GNAL: variants seen among roughly 807,000 people sequenced by gnomAD.
GNAL encodes G protein subunit alpha L.
In GNAL, 18 loss-of-function variants were observed where a neutral mutation model predicts 55.1. That is an observed-to-expected ratio of 0.33 (90% confidence interval 0.23 to 0.48). GNAL has a LOEUF of 0.48. Among genes scored for constraint, GNAL ranks in the 20% least tolerant of loss-of-function variants. GNAL has a pLI of 0.99. For missense variants in GNAL, 412 were observed against 614.1 expected (o/e 0.67, Z 3.48); for synonymous variants, 253 against 237.0 (o/e 1.07, Z -0.62).
chr18:11,730,768 A>G (rs1268191493), intron 1 of GNAL, among the ~76,000 whole-genome samples: 1 of 152,082 alleles, frequency 6.6e-6, no homozygotes, highest in African/African-American at 2.4e-5. Flanking sequence ...CATCTCAAAA[A>G]GGAAAAAAAA....
chr18:11,734,431 G>A (rs756948582), intron 1 of GNAL, among the ~76,000 whole-genome samples: 2 of 151,960 alleles, frequency 1.3e-5, no homozygotes, highest in Non-Finnish European at 1.5e-5. Flanking sequence ...GTGACCCACC[G>A]CGCCGGGTGT....
rs1380226886 is a variant in GNAL at position 11,689,845 on chromosome 18, G to A, written c.282G>A (p.Ala94=). The A allele has an allele frequency of 2.0e-6, 3 of 1,534,198 alleles. No individual in the cohort carries two copies. In the South Asian group the frequency reaches 3.6e-5, roughly 19 times the overall value. ...EEREAAKERE[A]VKEARKVSRG... ...GCGAGGCGGCCAAGGAGCGCGAGGC[G>A]GTCAAGGAGGCGAGGAAAGTGAGCC... Residue 94 remains alanine, a synonymous_variant, in exon 1 of 12, where the codon GCG becomes GCA. Transcript: ENST00000334049.
intron 2 of GNAL, 170 bp from the exon 3 acceptor site, chr18:11,753,458 G>A (rs1284095664): frequency 3.6e-6 from 2 of 563,020 alleles, no homozygotes; most frequent in Non-Finnish European, 6.4e-6. Context: ...GAAAAGAAGG[G>A]TGCTTTCCTT....
chr18:11,795,523 A>G (rs1053824572), intron 4 of GNAL, among the ~76,000 whole-genome samples: 9 of 152,240 alleles, frequency 5.9e-5, no homozygotes, highest in African/African-American at 1.9e-4. Context: ...GTGTCACCAA[A>G]TATCCTTCAT....
intron 5 of GNAL, among the ~76,000 whole-genome samples, chr18:11,829,016 A>G (rs533889817): frequency 7.9e-4 from 120 of 152,356 alleles, no homozygotes; most frequent in South Asian, 1.4e-3. Context: ...GCCTACGATC[A>G]CAGTTACCCA....
At chr18:11,748,699 A>G (rs955267438) in intron 1 of GNAL, among the ~76,000 whole-genome samples, 3 of 152,146 alleles carry the variant, frequency 2.0e-5, no homozygotes, top group East Asian at 1.9e-4. Context: ...TTCTCCCTTT[A>G]TAAGTTTTCA....
chr18:11,821,271 A>G (rs1418015609), intron 4 of GNAL, among the ~76,000 whole-genome samples: 3 of 152,360 alleles, frequency 2.0e-5, no homozygotes, highest in Admixed American at 6.5e-5. Flanking sequence ...AAAGAAACCC[A>G]GTAGAAAACT....
At chr18:11,784,192 T>C (rs2033995550) in intron 4 of GNAL, among the ~76,000 whole-genome samples, 1 of 152,280 alleles carries the variant, frequency 6.6e-6, no homozygotes, top group African/African-American at 2.4e-5. Flanking sequence ...CTCCCAGTGC[T>C]GACAAGAGCC....
chr18:11,860,706 T>A (rs1351254661), intron 5 of GNAL, among the ~76,000 whole-genome samples: 1 of 152,108 alleles, frequency 6.6e-6, no homozygotes, highest in East Asian at 1.9e-4. Context: ...TGTGGGGCAG[T>A]GACTAATGAA....
At chr18:11,827,670 C>T (rs1036925885) in intron 5 of GNAL, among the ~76,000 whole-genome samples, 1 of 151,704 alleles carries the variant, frequency 6.6e-6, no homozygotes, top group Non-Finnish European at 1.5e-5. Context: ...ACGACAAGTC[C>T]TTCAAGATTT....
chr18:11,706,597 G>C (rs1025286547), intron 1 of GNAL, among the ~76,000 whole-genome samples: 11 of 152,152 alleles, frequency 7.2e-5, no homozygotes, highest in African/African-American at 2.7e-4. Flanking sequence ...TTTCAAAATT[G>C]GGGTCAGTCC....
intron 5 of GNAL, among the ~76,000 whole-genome samples, chr18:11,848,555 C>G: frequency 6.6e-6 from 1 of 151,192 alleles, no homozygotes; most frequent in East Asian, 1.9e-4. Flanking sequence ...CTTTCCAGTT[C>G]AAGCGATTCT....
chr18:11,731,677 A>T (rs2032343620), intron 1 of GNAL, among the ~76,000 whole-genome samples: 2 of 152,206 alleles, frequency 1.3e-5, no homozygotes, highest in Non-Finnish European at 2.9e-5. Context: ...ACATATCATG[A>T]ATTCACACCT....
At chr18:11,806,538 A>C (rs1244325280) in intron 4 of GNAL, among the ~76,000 whole-genome samples, 1 of 152,098 alleles carries the variant, frequency 6.6e-6, no homozygotes, top group African/African-American at 2.4e-5. Flanking sequence ...GAGATAGGTT[A>C]CCCCTCTCAG....
At chr18:11,873,547 C>T (rs1350707887) in intron 10 of GNAL, among the ~76,000 whole-genome samples, 2 of 152,380 alleles carry the variant, frequency 1.3e-5, no homozygotes, top group East Asian at 3.9e-4. Context: ...GAGCCACCAG[C>T]AGTCTCCGCA....
chr18:11,881,798 T>C lies in GNAL; in HGVS notation c.*663T>C, dbSNP rs552666246. 55 of 152,678 alleles carry C rather than the reference T, an allele frequency of 3.6e-4. No individual in the cohort carries two copies. Among genetic ancestry groups the C allele is most frequent in the Middle Eastern group, 3.4e-3 (1 of 294 alleles). The allele number at this position is 152,678 out of a possible 1,614,324, so 9.5% of individuals were successfully genotyped here. A position where few individuals can be genotyped will look rare whatever the true frequency, so the allele number is the denominator to read the frequency against. On this transcript the variant is annotated 3_prime_UTR_variant, in exon 12 of 12. Coordinates refer to ENST00000334049, the MANE Select transcript of GNAL (RefSeq NM_182978.4). This position sits in a 1 kb window ranked among gnomAD's most constrained non-coding sequence, Gnocchi z 4.8. The stretch of plus-strand genomic sequence containing the variant: ...AAACTTTCCCTATACTTAGGCATAG[T>C]CTTCTTTCTTAGATTCTCTTTGTTG...
intron 1 of GNAL, among the ~76,000 whole-genome samples, chr18:11,702,558 A>G (rs1450172924): frequency 1.3e-5 from 2 of 152,198 alleles, no homozygotes; most frequent in African/African-American, 4.8e-5. Flanking sequence ...TTCAGTAGCA[A>G]TTACTGACAT....
chr18:11,769,102 T>A (rs1231564497), intron 4 of GNAL, among the ~76,000 whole-genome samples: 1 of 94,026 alleles, frequency 1.1e-5, no homozygotes, highest in Non-Finnish European at 1.8e-5. Context: ...ATATATATTA[T>A]AATATAGATT....
intron 7 of GNAL, 132 bp downstream of exon 7, chr18:11,864,738 A>T (rs2036222598): frequency 1.1e-5 from 7 of 662,908 alleles, no homozygotes; most frequent in Non-Finnish European, 2.0e-5. Flanking sequence ...GCTGGGGTGA[A>T]ATTTGAACTC....
Sources: allele counts gnomAD v4.1 joint callset (sites outside exome capture counted in the v4.1 genomes callset), GRCh38; gene constraint gnomAD v4.1.1; non-coding constraint Gnocchi (gnomAD v3.1); transcripts MANE v1.5; gene names NCBI Gene and HGNC (gene_info 2026-07-23, HGNC 2026-07-21).